Variants in COMMD1 observed in about 807,000 individuals in gnomAD.
COMMD1 encodes copper metabolism domain containing 1.
Under a neutral mutation model 17.2 loss-of-function variants are expected in COMMD1, and 10 were observed. The ratio of observed to expected loss-of-function variants is 0.58; its 90% confidence interval spans 0.36 to 0.99. COMMD1 has a LOEUF of 0.99. Ranked by LOEUF, COMMD1 falls within the 50% of genes least tolerant of loss-of-function variation. The pLI is 0.01. For synonymous variants in COMMD1, 97 were observed against 91.6 expected (o/e 1.06, Z -0.34); for missense variants, 270 against 231.8 (o/e 1.17, Z -1.07).
intron 1 of COMMD1, among the ~76,000 whole-genome samples, chr2:61,998,957 G>A (rs1668846259): frequency 1.3e-5 from 2 of 152,084 alleles, no homozygotes; most frequent in African/African-American, 4.8e-5. Context: ...AATTCCACTA[G>A]TAACATTGAA....
intron 1 of COMMD1, among the ~76,000 whole-genome samples, chr2:61,930,617 T>G (rs1007525843): frequency 3.4e-5 from 5 of 146,056 alleles, no homozygotes; most frequent in East Asian, 4.0e-4. Flanking sequence ...CCACAGGGTT[T>G]TGTGTGTGTG....
chr2:61,971,549 G>T (rs1037387743), intron 1 of COMMD1, among the ~76,000 whole-genome samples: 9 of 152,116 alleles, frequency 5.9e-5, no homozygotes, highest in Non-Finnish European at 1.2e-4. Flanking sequence ...GAAAAAAGGT[G>T]TGTGTGTGGG....
At chr2:61,902,644 A>G (rs1669681912), upstream of COMMD1, among the ~76,000 whole-genome samples, 1 of 152,226 alleles carries the variant, frequency 6.6e-6, no homozygotes, top group Non-Finnish European at 1.5e-5. Context: ...ATGCGAATTA[A>G]AACAGTGAGA....
chr2:61,977,768 C>T (rs992781957), intron 1 of COMMD1, among the ~76,000 whole-genome samples: 6 of 151,968 alleles, frequency 3.9e-5, no homozygotes, highest in African/African-American at 1.4e-4. Flanking sequence ...AGGCCGATCA[C>T]TTGAGGCCCA....
chr2:61,928,493 C>G (rs1028394961), intron 1 of COMMD1: 1 of 152,114 alleles, frequency 6.6e-6, no homozygotes. Context: ...TTTCAGTATC[C>G]TAAAGAGCTA....
intron 2 of COMMD1, 125 bp from the exon 3 acceptor site, chr2:62,135,706 A>G (rs1457896160): frequency 1.4e-6 from 1 of 692,040 alleles, no homozygotes; most frequent in African/African-American, 1.8e-5. Flanking sequence ...GTAAAATATC[A>G]CTTCGATATT....
intron 2 of COMMD1, among the ~76,000 whole-genome samples, chr2:62,086,493 T>C (rs770077904): frequency 2.0e-5 from 3 of 148,180 alleles, no homozygotes; most frequent in Non-Finnish European, 3.0e-5. Context: ...CCTGTATGAC[T>C]GAGCAAGACT....
intron 2 of COMMD1, among the ~76,000 whole-genome samples, chr2:62,089,167 G>A (rs1671754150): frequency 6.6e-6 from 1 of 152,130 alleles, no homozygotes; most frequent in Admixed American, 6.5e-5. Context: ...TTCAGGATTG[G>A]GAGGGCTTGG....
intron 2 of COMMD1, among the ~76,000 whole-genome samples, chr2:62,082,215 G>A (rs1339615197): frequency 2.6e-5 from 4 of 152,190 alleles, no homozygotes; most frequent in Admixed American, 2.6e-4. Context: ...TCTCTGTGAT[G>A]CTGAACAACA....
At chr2:62,063,014 C>G (rs886131643) in intron 2 of COMMD1, among the ~76,000 whole-genome samples, 1 of 151,792 alleles carries the variant, frequency 6.6e-6, no homozygotes, top group Non-Finnish European at 1.5e-5. Context: ...GTCAGGAGAT[C>G]GAGACCAGCC....
chr2:61,903,595 A>C (rs112511706), upstream of COMMD1, among the ~76,000 whole-genome samples: 10,729 of 150,300 alleles, frequency 0.071, 727 homozygotes, highest in African/African-American at 0.17. Flanking sequence ...TCTTGTCCCC[A>C]AGGCTAGAGT....
upstream of COMMD1, chr2:61,888,659 G>A (rs1572931608): frequency 7.9e-6 from 7 of 888,680 alleles, no homozygotes; most frequent in East Asian, 8.7e-5. Flanking sequence ...CGGAGAAGGG[G>A]GCCTTCCTTG....
intron 2 of COMMD1, chr2:62,055,573 C>G: frequency 2.5e-6 from 1 of 395,784 alleles, no homozygotes; most frequent in Non-Finnish European, 5.0e-6. Context: ...AAAAGACAAG[C>G]CTTTGGAGTT....
intron 2 of COMMD1, among the ~76,000 whole-genome samples, chr2:62,048,688 G>GTT (rs1028859346): frequency 6.9e-6 from 1 of 145,530 alleles, no homozygotes; most frequent in Non-Finnish European, 1.5e-5. Context: ...TTTTTTTCTC[G>GTT]TTTTTTTTTT....
At chr2:62,133,658 G>A (rs1673105382) in intron 2 of COMMD1, among the ~76,000 whole-genome samples, 2 of 152,096 alleles carry the variant, frequency 1.3e-5, no homozygotes, top group African/African-American at 4.8e-5. Context: ...ATAGGAAGAA[G>A]GGTTTGGTCT....
At chr2:62,093,507 T>G (rs1251195905) in intron 2 of COMMD1, among the ~76,000 whole-genome samples, 1 of 152,158 alleles carries the variant, frequency 6.6e-6, no homozygotes, top group Non-Finnish European at 1.5e-5. Context: ...ATTACTTACT[T>G]GGGTCAAACA....
chr2:61,986,892 G>A (rs532617690), intron 1 of COMMD1, among the ~76,000 whole-genome samples: 1 of 151,884 alleles, frequency 6.6e-6, no homozygotes, highest in South Asian at 2.1e-4. Flanking sequence ...TGTTTCCTTT[G>A]ACTGTGTGTT....
chr2:62,056,111 G>A (rs1205656573), intron 2 of COMMD1, among the ~76,000 whole-genome samples: 1 of 152,186 alleles, frequency 6.6e-6, no homozygotes, highest in Non-Finnish European at 1.5e-5. Context: ...TGACTGGACA[G>A]CTTTCTGATT....
chr2:61,987,836 A>G (rs1255116531), intron 1 of COMMD1, among the ~76,000 whole-genome samples: 2 of 152,148 alleles, frequency 1.3e-5, no homozygotes, highest in African/African-American at 4.8e-5. Flanking sequence ...AACCTTAGGA[A>G]TCTACCTGGT....
Sources: gnomAD v4.1 joint callset for allele counts (sites outside exome capture counted in the v4.1 genomes callset) on GRCh38, gnomAD v4.1.1 for gene constraint, MANE v1.5 for transcripts, NCBI Gene and HGNC (gene_info 2026-07-23, HGNC 2026-07-21) for gene names.